NLGN1: variants seen among roughly 807,000 people sequenced by gnomAD.
NLGN1 encodes the protein neuroligin-1.
NLGN1 carries 12 observed loss-of-function variants against 65.5 expected under a neutral mutation model. That is an observed-to-expected ratio of 0.18 (90% CI 0.12 to 0.30). The LOEUF (loss-of-function observed/expected upper bound fraction) is 0.30. NLGN1 is among the 10% of genes least tolerant of loss of function. The probability of loss-of-function intolerance (pLI) is 1.00; values close to 1 mark genes in which losing one functional copy is unlikely to be tolerated. For synonymous variants in NLGN1, 350 were observed against 359.5 expected, an observed-to-expected ratio of 0.97 and a Z score of 0.30; for missense variants, 750 against 1,007.1, an observed-to-expected ratio of 0.74 and a Z score of 3.46.
At chr3:173,611,084 C>A (rs991612307) in intron 3 of NLGN1, among the ~76,000 whole-genome samples, 5 of 151,940 alleles carry the variant, frequency 3.3e-5, no homozygotes, top group Non-Finnish European at 7.4e-5. Context: ...TGTTGCTATG[C>A]ACAGTACATG....
At chr3:174,273,569 A>ATACT (rs150722608) in intron 4 of NLGN1, among the ~76,000 whole-genome samples, 18,249 of 151,614 alleles carry the variant, frequency 0.12, 1,693 homozygotes, top group East Asian at 0.54. Context: ...GTATTTGCAA[A>ATACT]TACTTCTATC....
At chr3:173,981,270 C>G (rs1484357418) in intron 4 of NLGN1, among the ~76,000 whole-genome samples, 1 of 152,146 alleles carries the variant, frequency 6.6e-6, no homozygotes, top group African/African-American at 2.4e-5. Context: ...AGATTATCAG[C>G]CAACCCAGGA....
At chr3:174,093,091 A>T (rs1214655947) in intron 4 of NLGN1, among the ~76,000 whole-genome samples, 1 of 152,214 alleles carries the variant, frequency 6.6e-6, no homozygotes, top group African/African-American at 2.4e-5. Context: ...TAGTTTTCTT[A>T]TGAAAATGAA....
At chr3:174,146,027 A>C (rs1039568880) in intron 4 of NLGN1, among the ~76,000 whole-genome samples, 1 of 152,232 alleles carries the variant, frequency 6.6e-6, no homozygotes, top group African/African-American at 2.4e-5. Context: ...TCAAAAGTTT[A>C]AGAATCAAAA....
At chr3:173,430,449 T>C (rs1716967747) in intron 1 of NLGN1, among the ~76,000 whole-genome samples, 2 of 152,226 alleles carry the variant, frequency 1.3e-5, no homozygotes, top group Non-Finnish European at 2.9e-5. Context: ...CTGATATTTC[T>C]TCATGATTAC....
intron 1 of NLGN1, among the ~76,000 whole-genome samples, chr3:173,407,481 G>A (rs1393942635): frequency 3.9e-5 from 6 of 151,990 alleles, no homozygotes; most frequent in African/African-American, 1.2e-4. Context: ...TACATACATC[G>A]GCACCATATA....
chr3:173,831,840 A>G (rs951002139), intron 4 of NLGN1, among the ~76,000 whole-genome samples: 12 of 152,218 alleles, frequency 7.9e-5, no homozygotes, highest in African/African-American at 1.9e-4. Context: ...CATAATCTGC[A>G]GAGAAATATT....
chr3:173,722,241 C>T (rs77764064), intron 3 of NLGN1, among the ~76,000 whole-genome samples: 6 of 100,110 alleles, frequency 6.0e-5, no homozygotes, highest in South Asian at 3.7e-4. Context: ...TCTTCTTCTT[C>T]TTTTTTTTTT....
At chr3:174,256,867 G>A (rs1031031657) in intron 4 of NLGN1, among the ~76,000 whole-genome samples, 2 of 151,962 alleles carry the variant, frequency 1.3e-5, no homozygotes, top group African/African-American at 4.8e-5. Context: ...ATTTCATGAC[G>A]AAGACACCAA....
intron 4 of NLGN1, among the ~76,000 whole-genome samples, chr3:173,862,461 C>T (rs549795237): frequency 2.1e-5 from 3 of 141,296 alleles, no homozygotes; most frequent in Non-Finnish European, 3.0e-5. Flanking sequence ...AGCCGAGATC[C>T]CGCCACTGCA....
At chr3:173,842,097 C>T (rs998463431) in intron 4 of NLGN1, among the ~76,000 whole-genome samples, 1 of 152,244 alleles carries the variant, frequency 6.6e-6, no homozygotes, top group East Asian at 1.9e-4. Flanking sequence ...TCACAGCTTA[C>T]GTGGATGGCA....
chr3:173,960,993 C>A (rs1472660003), intron 4 of NLGN1, among the ~76,000 whole-genome samples: 1 of 151,910 alleles, frequency 6.6e-6, no homozygotes, highest in East Asian at 1.9e-4. Flanking sequence ...AGTAACATAT[C>A]TTTATCTGTC....
At position 173,873,602 on chromosome 3, in the gene NLGN1, T is replaced by A. The variant is rs559971405; in HGVS notation, c.646+65770T>A. Among the ~76,000 whole-genome samples the A allele has an allele frequency of 8.5e-5, 13 of 152,360 alleles. No individual in the cohort carries two copies. In the East Asian group the frequency reaches 2.5e-3, roughly 29 times the overall value. On this transcript the variant is annotated intron_variant, in intron 4 of 6. Coordinates refer to ENST00000457714, the Ensembl canonical transcript of NLGN1. ...ATTGTATTTCAATGTGGATTTATTA[T>A]TATTTTTTAGTAGTAGAAGATGGTT...
intron 4 of NLGN1, among the ~76,000 whole-genome samples, chr3:174,041,225 T>G (rs1335368813): frequency 6.6e-6 from 1 of 152,180 alleles, no homozygotes; most frequent in Non-Finnish European, 1.5e-5. Context: ...TTCTTATAAA[T>G]GAAATTAAAT....
chr3:173,698,846 A>T (rs66841194), intron 3 of NLGN1, among the ~76,000 whole-genome samples: 933 of 43,464 alleles, frequency 0.021, 14 homozygotes, highest in African/African-American at 0.037. Flanking sequence ...GAAAACAGGA[A>T]TTTTTTTTGT....
chr3:173,989,163 A>G (rs1720567037), intron 4 of NLGN1, among the ~76,000 whole-genome samples: 1 of 152,176 alleles, frequency 6.6e-6, no homozygotes, highest in Non-Finnish European at 1.5e-5. Flanking sequence ...TCTCTGAATG[A>G]GAAACCTGAC....
intron 3 of NLGN1, among the ~76,000 whole-genome samples, chr3:173,699,097 C>G (rs896944506): frequency 6.6e-6 from 1 of 152,120 alleles, no homozygotes; most frequent in Non-Finnish European, 1.5e-5. Flanking sequence ...CACAGGTGAT[C>G]CATCCACCTA....
chr3:173,753,774 C>T (rs749602118), intron 3 of NLGN1, among the ~76,000 whole-genome samples: 3 of 151,860 alleles, frequency 2.0e-5, no homozygotes, highest in Non-Finnish European at 4.4e-5. Flanking sequence ...AGTCTAGCCC[C>T]TGTTGCTTCT....
At chr3:174,013,345 C>T (rs1579763201) in intron 4 of NLGN1, among the ~76,000 whole-genome samples, 1 of 152,138 alleles carries the variant, frequency 6.6e-6, no homozygotes, top group South Asian at 2.1e-4. Flanking sequence ...GCTATTCCCC[C>T]TCAAAATAAC....
Sources: gnomAD v4.1 joint callset for allele counts (sites outside exome capture counted in the v4.1 genomes callset) on GRCh38, gnomAD v4.1.1 for gene constraint, MANE v1.5 for transcripts, NCBI Gene and HGNC (gene_info 2026-07-23, HGNC 2026-07-21) for gene names.